The following PUDP variants were observed in gnomAD, a reference collection of about 807,000 sequenced individuals.
PUDP encodes the protein pseudouridine-5'-phosphatase.
A neutral mutation model predicts 9.4 loss-of-function variants in PUDP; 8 were observed. The observed-to-expected ratio is 0.85, with a 90% CI of 0.50 to 1.53. The LOEUF (loss-of-function observed/expected upper bound fraction) is 1.53. Among genes scored for constraint, PUDP ranks in the 40% most tolerant of loss-of-function variants. PUDP has a pLI of 0.00. For missense variants in PUDP, 188 were observed against 189.7 expected (o/e 0.99, Z 0.05); for synonymous variants, 99 against 80.7 (o/e 1.23, Z -1.22).
At chrX:6,801,401 C>G (rs186381163) in intron 3 of PUDP, among the ~76,000 whole-genome samples, 346 of 112,252 alleles carry the variant, frequency 3.1e-3, no homozygotes, top group Non-Finnish European at 5.1e-3. Flanking sequence ...TACAGTGTTG[C>G]TCTGTCACTT....
At chrX:7,059,175 G>A (rs762063800) in intron 3 of PUDP, among the ~76,000 whole-genome samples, 5 of 111,175 alleles carry the variant, frequency 4.5e-5, no homozygotes, top group South Asian at 3.9e-4. Flanking sequence ...GCTTCCTAAC[G>A]AATTCTCTCT....
chrX:6,872,388 G>A (rs1927188964), intron 3 of PUDP, among the ~76,000 whole-genome samples: 1 of 111,112 alleles, frequency 9.0e-6, no homozygotes, highest in South Asian at 3.8e-4. Context: ...ATTTTAACGT[G>A]ATTACCTTTG....
chrX:6,778,267 A>G (rs1238735029), intron 3 of PUDP, among the ~76,000 whole-genome samples: 1 of 112,064 alleles, frequency 8.9e-6, no homozygotes, highest in African/African-American at 3.2e-5. Flanking sequence ...CAGTCCCGAA[A>G]GGGAAGTCTT....
At chrX:7,018,975 T>C (rs1448489379) in intron 1 of PUDP, among the ~76,000 whole-genome samples, 3 of 112,607 alleles carry the variant, frequency 2.7e-5, no homozygotes, top group Non-Finnish European at 5.6e-5. Flanking sequence ...ATAATAATGT[T>C]GATTCTTGAA....
intron 3 of PUDP, among the ~76,000 whole-genome samples, chrX:6,752,550 T>C (rs764439876): frequency 5.4e-5 from 6 of 111,956 alleles, no homozygotes; most frequent in African/African-American, 9.7e-5. Context: ...ATTTGAAGAA[T>C]ATTTTCCTTA....
chrX:7,016,960 C>T (rs1162396907), intron 1 of PUDP, among the ~76,000 whole-genome samples: 4 of 111,490 alleles, frequency 3.6e-5, no homozygotes, highest in Admixed American at 1.9e-4. Flanking sequence ...GCTGTGGTCC[C>T]ATGCACCATC....
chrX:7,130,060 T>C (rs983396134), intron 1 of PUDP, among the ~76,000 whole-genome samples: 1 of 111,588 alleles, frequency 9.0e-6, no homozygotes, highest in East Asian at 2.8e-4. Flanking sequence ...TCAACTGTGT[T>C]TGGAAATCAT....
chrX:7,081,163 TA>T (rs1304062084), intron 2 of PUDP, among the ~76,000 whole-genome samples: 1 of 111,784 alleles, frequency 8.9e-6, no homozygotes, highest in Non-Finnish European at 1.9e-5. Context: ...CAGATTATTT[TA>T]TTATTATTGT....
chrX:6,887,690 T>G (rs1927450443), intron 3 of PUDP, among the ~76,000 whole-genome samples: 1 of 112,266 alleles, frequency 8.9e-6, no homozygotes, highest in African/African-American at 3.2e-5. Flanking sequence ...TGAGCATCAG[T>G]CATTTAGTAA....
chrX:6,883,013 C>T (rs1050741564), intron 3 of PUDP, among the ~76,000 whole-genome samples: 1 of 111,477 alleles, frequency 9.0e-6, no homozygotes, highest in African/African-American at 3.3e-5. Flanking sequence ...CTTCTGGAAG[C>T]CTTGGTTTCT....
chrX:6,724,819 AG>A (rs1924721021), upstream of PUDP, among the ~76,000 whole-genome samples: 1 of 111,735 alleles, frequency 8.9e-6, no homozygotes. Context: ...TGAGCTGCGG[AG>A]AAACTGCAGC....
downstream of PUDP, among the ~76,000 whole-genome samples, chrX:7,046,283 G>A (rs1233718906): frequency 9.0e-6 from 1 of 111,563 alleles, no homozygotes; most frequent in Non-Finnish European, 1.9e-5. Context: ...CTCCTTGTAA[G>A]AAGAGGAGAT....
At chrX:6,800,711 T>C (rs768481529) in intron 3 of PUDP, among the ~76,000 whole-genome samples, 4 of 111,727 alleles carry the variant, frequency 3.6e-5, no homozygotes, top group Non-Finnish European at 5.6e-5. Flanking sequence ...GCACGAGTGA[T>C]GGCGAACATC....
chrX:6,754,388 C>T (rs1925145108), intron 3 of PUDP, among the ~76,000 whole-genome samples: 1 of 111,004 alleles, frequency 9.0e-6, no homozygotes, highest in Admixed American at 9.7e-5. Flanking sequence ...GTCCATTAAA[C>T]CTCTTTTTCT....
In PUDP at chrX:6,778,292, T is replaced by A. The variant is rs1925500626; in HGVS notation, c.*248-71826A>T. On this transcript the variant is annotated intron_variant and NMD_transcript_variant, in intron 3 of 3. Transcript: ENST00000655425. Reference sequence around the variant, plus strand: ...AGGGAAGTCTTGGAAACACCCTCTATCTGGAACAGGACCTACCCACACTCT... The same window carrying A: ...AGGGAAGTCTTGGAAACACCCTCTAACTGGAACAGGACCTACCCACACTCT... Among the ~76,000 whole-genome samples, 6 of 112,143 alleles carry A rather than the reference T, an allele frequency of 5.4e-5. No homozygotes were observed. The Admixed American group carries it at 5.7e-4, about 11-fold the overall frequency.
chrX:6,760,845 T>A (rs1482956380), intron 3 of PUDP, among the ~76,000 whole-genome samples: 1 of 112,114 alleles, frequency 8.9e-6, no homozygotes, highest in Non-Finnish European at 1.9e-5. Context: ...TGATTTAGGA[T>A]CATTAGCAGA....
intron 1 of PUDP, among the ~76,000 whole-genome samples, chrX:7,024,856 G>T (rs1929687187): frequency 9.6e-6 from 1 of 103,634 alleles, no homozygotes; most frequent in African/African-American, 3.6e-5. Context: ...TTCCCAAAGT[G>T]CTGGGATTAC....
intron 3 of PUDP, among the ~76,000 whole-genome samples, chrX:6,785,606 G>GA (rs771913863): frequency 4.7e-4 from 48 of 102,094 alleles, no homozygotes; most frequent in South Asian, 2.6e-3. Flanking sequence ...TTTACTATAA[G>GA]AAAAAAAAAA....
chrX:7,107,582 T>C (rs1256944973), intron 1 of PUDP, among the ~76,000 whole-genome samples: 1 of 112,605 alleles, frequency 8.9e-6, no homozygotes, highest in Non-Finnish European at 1.9e-5. Context: ...ATCCCAGCAC[T>C]TTGGGAGGTC....
Sources: gnomAD v4.1 joint callset for allele counts (sites outside exome capture counted in the v4.1 genomes callset) on GRCh38, gnomAD v4.1.1 for gene constraint, MANE v1.5 for transcripts, NCBI Gene and HGNC (gene_info 2026-07-23, HGNC 2026-07-21) for gene names.